Variants in TECPR2 observed in about 807,000 individuals in gnomAD.
TECPR2 encodes tectonin beta-propeller repeat containing 2, also known as tectonin beta-propeller repeat-containing protein 2.
A neutral mutation model predicts 138.1 loss-of-function variants in TECPR2; 65 were observed. The observed-to-expected ratio is 0.47, with a 90% CI of 0.39 to 0.58. The LOEUF (loss-of-function observed/expected upper bound fraction) is 0.58. TECPR2 is among the 20% of genes least tolerant of loss of function. TECPR2 has a pLI of 0.00. For synonymous variants in TECPR2, 746 were observed against 749.8 expected (o/e 0.99, Z 0.08); for missense variants, 1,553 against 1,824.5 (o/e 0.85, Z 2.71).
chr14:102,447,145 CTCTTT>C (rs1303052387), intron 13 of TECPR2, among the ~76,000 whole-genome samples: 1 of 152,166 alleles, frequency 6.6e-6, no homozygotes, highest in African/African-American at 2.4e-5. Context: ...GAATGAATTT[CTCTTT>C]TCTTTTTCTT....
At position 102,407,436 on chromosome 14, in the gene TECPR2, T is replaced by C. The variant is rs769086551; in HGVS notation, c.318T>C (p.Leu106=). Residue 106 remains leucine (L), a synonymous_variant, in exon 3 of 20, where the codon CTT becomes CTC. Coordinates refer to ENST00000359520, the MANE Select transcript of TECPR2 (RefSeq NM_014844.5). The part of the protein sequence containing the change: ...TASGRVAVFQ[L]VSSLPGRNKQ... Reference sequence around the variant, plus strand: ...CTGGCAGGGTTGCAGTTTTTCAACTTGTATCTTCATTGCCAGGGAGAAATA... The same window carrying C: ...CTGGCAGGGTTGCAGTTTTTCAACTCGTATCTTCATTGCCAGGGAGAAATA... 26 of 1,613,416 alleles carry C rather than the reference T, an allele frequency of 1.6e-5. No homozygotes were observed. In the Admixed American group the frequency reaches 4.3e-4, roughly 27 times the overall value.
At chr14:102,386,357 C>A (rs1053257064) in intron 2 of TECPR2, among the ~76,000 whole-genome samples, 6 of 152,066 alleles carry the variant, frequency 3.9e-5, no homozygotes, top group African/African-American at 1.4e-4. Flanking sequence ...GTAATCCCAG[C>A]TACTCAGGAG....
At position 102,498,699 on chromosome 14, in the gene TECPR2, G is replaced by T; in HGVS notation, c.*442G>T. On this transcript the variant is annotated 3_prime_UTR_variant, in exon 20 of 20. Coordinates refer to ENST00000359520, the MANE Select transcript of TECPR2 (RefSeq NM_014844.5). ...GCCAAAGGTCAGCTCTCTGCAGCGCGGGATGTGCTCGGTGATGGCTTTGTC... is the reference window on the plus strand; with the variant it reads ...GCCAAAGGTCAGCTCTCTGCAGCGCTGGATGTGCTCGGTGATGGCTTTGTC... 2.4e-6 allele frequency: 1 copy of T among 420,266 alleles called. No homozygotes were observed. The highest frequency in any genetic ancestry group is 4.7e-6 in the Non-Finnish European group (1 of 215,032). 26.0% of individuals were successfully genotyped at this position (420,266 alleles called of 1,614,324 possible). A position where few individuals can be genotyped will look rare whatever the true frequency, so the allele number is the denominator to read the frequency against.
chr14:102,497,159 C>T (rs202232712), intron 18 of TECPR2, 39 bp downstream of exon 18: 114 of 1,594,220 alleles, frequency 7.2e-5, no homozygotes, highest in Non-Finnish European at 8.9e-5. Context: ...GCCGGCCAGC[C>T]GGGGCTACCA....
chr14:102,485,356 A>G (rs1366194219), intron 17 of TECPR2, among the ~76,000 whole-genome samples: 3 of 152,112 alleles, frequency 2.0e-5, no homozygotes, highest in African/African-American at 4.8e-5. Context: ...GAGAAACTAA[A>G]TTGTTTTTTG....
In TECPR2 at chr14:102,415,710, G is replaced by A. The variant is rs1053400468; in HGVS notation, c.638+917G>A. 1.3e-5 allele frequency among the ~76,000 whole-genome samples: 2 copies of A among 152,148 alleles called. No individual in the cohort carries two copies. Among genetic ancestry groups the A allele is most frequent in the Admixed American group, 6.5e-5 (1 of 15,286 alleles). ...GATGAGTCTACAGTCATGGATTGTC[G>A]ATTGGCCGATGGGAGCTGGAAGAGT... On this transcript the variant is annotated intron_variant, in intron 5 of 19. Transcript: ENST00000359520. The surrounding 1 kb of genome is among the most constrained non-coding windows in gnomAD (Gnocchi z 4.3).
intron 11 of TECPR2, among the ~76,000 whole-genome samples, chr14:102,441,617 G>A (rs1486625478): frequency 1.3e-5 from 2 of 152,022 alleles, no homozygotes; most frequent in Non-Finnish European, 1.5e-5. Context: ...TTGAACCTGG[G>A]AGGCAGAGCT....
intron 5 of TECPR2, among the ~76,000 whole-genome samples, chr14:102,416,376 C>T (rs1156317714): frequency 6.6e-6 from 1 of 152,162 alleles, no homozygotes; most frequent in Non-Finnish European, 1.5e-5. Context: ...CTGCCTTGGC[C>T]TCCCAAAGTG....
chr14:102,427,119 C>T (rs1026227534), intron 6 of TECPR2, among the ~76,000 whole-genome samples: 2 of 152,116 alleles, frequency 1.3e-5, no homozygotes, highest in African/African-American at 2.4e-5. Flanking sequence ...GAAGCATCGA[C>T]TTAGGGGAAT....
chr14:102,452,683 CACA>C (rs1389998564), intron 16 of TECPR2, 56 bp downstream of exon 16: 1 of 1,422,882 alleles, frequency 7.0e-7, no homozygotes, highest in Non-Finnish European at 9.6e-7. Context: ...AAACCGGCAT[CACA>C]ACGTGATGTC....
intron 1 of TECPR2, among the ~76,000 whole-genome samples, chr14:102,366,279 A>C (rs1357969481): frequency 6.6e-6 from 1 of 152,166 alleles, no homozygotes; most frequent in African/African-American, 2.4e-5. Flanking sequence ...AGGATGCCAT[A>C]GGGTGGTGTT....
chr14:102,468,285 T>G (rs1359724375), intron 17 of TECPR2, among the ~76,000 whole-genome samples: 1 of 152,196 alleles, frequency 6.6e-6, no homozygotes, highest in Non-Finnish European at 1.5e-5. Context: ...CCTCCTGGAT[T>G]CAAGTGATTC....
In TECPR2 at chr14:102,498,126, G is replaced by T; in HGVS notation, c.4105G>T (p.Ala1369Ser). Residue 1369 changes from alanine (A) to serine (S), a missense_variant, in exon 20 of 20, where the codon GCT becomes TCT. Coordinates refer to ENST00000359520, the MANE Select transcript of TECPR2 (RefSeq NM_014844.5). ...FTVTASDELW[A>S]VGPPGYLLQR... is the part of the protein sequence containing the mutation. The stretch of plus-strand genomic sequence containing the variant: ...AGTGACTGCGTCAGATGAGCTGTGG[G>T]CTGTGGGCCCGCCCGGCTACCTCCT... The T allele has an allele frequency of 6.2e-7, 1 of 1,613,548 alleles. No individual in the cohort carries two copies. The highest frequency in any genetic ancestry group is 8.5e-7 in the Non-Finnish European group (1 of 1,179,974).
intron 19 of TECPR2, 51 bp from the exon 20 acceptor site, chr14:102,498,052 C>CTCCCAGCTCCATCTGTGCCCAT: frequency 1.0e-6 from 1 of 1,003,122 alleles, no homozygotes; most frequent in Non-Finnish European, 1.4e-6. Flanking sequence ...TCTGTGCCCA[C>CTCCCAGCTCCATCTGTGCCCAT]CCCACAGGCT....
At position 102,483,146 on chromosome 14, in the gene TECPR2, C is replaced by T. The variant is rs746416250; in HGVS notation, c.3790-13833C>T. On this transcript the variant is annotated intron_variant, in intron 17 of 19. Transcript: ENST00000359520. ...AATTACAGGCGTGAGCCACCTCGCCCGGCCCAGAAGCCGTTCTAACACCTG... is the reference window on the plus strand; with the variant it reads ...AATTACAGGCGTGAGCCACCTCGCCTGGCCCAGAAGCCGTTCTAACACCTG... 1.5e-3 allele frequency among the ~76,000 whole-genome samples: 232 copies of T among 152,232 alleles called. 1 individual carries two copies. The highest frequency in any genetic ancestry group is 1.7e-3 in the Non-Finnish European group (115 of 68,010).
rs145490604 is a variant in TECPR2 at position 102,434,952 on chromosome 14, C to G, written c.2135C>G (p.Pro712Arg). Reference protein sequence around the residue: ...TDDDTGQKEIPISERVLGSVG... With the variant: ...TDDDTGQKEIRISERVLGSVG... ...GATGACACAGGTCAGAAAGAAATAC[C>G]CATTTCTGAACGTGTCTTGGGGAGT... The change falls in exon 9 of 20, where the codon CCC (proline) becomes CGC (arginine). Residue 712 changes from proline to arginine, a missense_variant. Transcript: ENST00000359520. The G allele has an allele frequency of 3.1e-6, 5 of 1,614,080 alleles. No individual in the cohort carries two copies. Among genetic ancestry groups the G allele is most frequent in the Non-Finnish European group, 3.4e-6 (4 of 1,180,038 alleles).
chr14:102,442,125 C>T (rs1280044998), intron 11 of TECPR2, among the ~76,000 whole-genome samples: 11 of 152,184 alleles, frequency 7.2e-5, no homozygotes, highest in African/African-American at 2.7e-4. Context: ...ACTACAGGCA[C>T]ATGCCACCAT....
At chr14:102,409,393 G>A (rs1595108455) in intron 4 of TECPR2, among the ~76,000 whole-genome samples, 2 of 151,622 alleles carry the variant, frequency 1.3e-5, no homozygotes, top group Admixed American at 1.3e-4. Flanking sequence ...TCCATATCCC[G>A]GGTTCAAGCG....
At chr14:102,475,380 A>C (rs1890736260) in intron 17 of TECPR2, among the ~76,000 whole-genome samples, 1 of 152,136 alleles carries the variant, frequency 6.6e-6, no homozygotes, top group Non-Finnish European at 1.5e-5. Flanking sequence ...ATCATTCTTG[A>C]AGAGTTTGAA....
Sources: allele counts gnomAD v4.1 joint callset (sites outside exome capture counted in the v4.1 genomes callset), GRCh38; gene constraint gnomAD v4.1.1; non-coding constraint Gnocchi (gnomAD v3.1); transcripts MANE v1.5; gene names NCBI Gene and HGNC (gene_info 2026-07-23, HGNC 2026-07-21).